A3GALT2: variants seen among roughly 807,000 people sequenced by gnomAD.
A3GALT2 encodes the protein alpha 1,3-galactosyltransferase 2.
A3GALT2 carries 14 observed loss-of-function variants against 16.6 expected under a neutral mutation model. The ratio of observed to expected loss-of-function variants is 0.84; its 90% CI spans 0.56 to 1.32. The LOEUF (loss-of-function observed/expected upper bound fraction) is 1.32, where lower values mean the gene tolerates loss of function less well. A3GALT2 is among the 40% of genes most tolerant of loss of function. The pLI, the probability that A3GALT2 is intolerant of heterozygous loss-of-function variation, is 0.00. For missense variants in A3GALT2, 600 were observed against 490.9 expected, an observed-to-expected ratio of 1.22 and a Z score of -2.10; for synonymous variants, 253 against 218.0, an observed-to-expected ratio of 1.16 and a Z score of -1.42.
At chr1:33,314,879 C>T (rs77772341) in intron 1 of A3GALT2, 9 of 152,156 alleles carry the variant, frequency 5.9e-5, no homozygotes, top group African/African-American at 1.9e-4. Flanking sequence ...AAAATGTTCA[C>T]CCTCACTGGC....
rs1297697343 is a variant in A3GALT2, at chr1:33,312,849, A to C, written c.65T>G (p.Leu22Arg). Residue 22 changes from leucine (L) to arginine (R), a missense_variant, in exon 2 of 5, where the codon CTT becomes CGT. Physicochemically the swap from Leu to Arg is moderately radical, Grantham distance 102. Coordinates refer to ENST00000442999, the MANE Select transcript of A3GALT2 (RefSeq NM_001080438.1). ...RIFWRQILLT[L>R]GLLGLFLYGL... ...ATACAGAAACAGGCCTAAGAGGCCAAGTGTAAGTAGGATCTGCCGCCAGAA... is the reference window on the plus strand; with the variant it reads ...ATACAGAAACAGGCCTAAGAGGCCACGTGTAAGTAGGATCTGCCGCCAGAA... 1 of 1,606,916 alleles carries C rather than the reference A, an allele frequency of 6.2e-7. No individual in the cohort carries two copies. The highest frequency in any genetic ancestry group is 2.2e-5 in the East Asian group (1 of 44,732).
intron 1 of A3GALT2, among the ~76,000 whole-genome samples, chr1:33,315,424 A>G (rs1646257372): frequency 6.6e-6 from 1 of 151,458 alleles, no homozygotes; most frequent in Non-Finnish European, 1.5e-5. Context: ...ATGCACCTGT[A>G]GTTCCAGCTA....
At chr1:33,319,691 C>A (rs1646276886) in intron 1 of A3GALT2, among the ~76,000 whole-genome samples, 1 of 152,116 alleles carries the variant, frequency 6.6e-6, no homozygotes. Context: ...CTGGGGGCTC[C>A]CCACGGCTCA....
chr1:33,318,730 G>T (rs1646271931), intron 1 of A3GALT2, among the ~76,000 whole-genome samples: 1 of 152,024 alleles, frequency 6.6e-6, no homozygotes, highest in Non-Finnish European at 1.5e-5. Context: ...GCTTCCTCCT[G>T]TCTGAAGCTG....
rs1646281659 is a variant in A3GALT2, at chr1:33,320,652, T to TAA, written c.23+422_23+423dup. 6.6e-6 allele frequency among the ~76,000 whole-genome samples: 1 copy of TAA among 152,002 alleles called. No individual in the cohort carries two copies. Among genetic ancestry groups the TAA allele is most frequent in the Non-Finnish European group, 1.5e-5 (1 of 68,012 alleles). On this transcript the variant is annotated intron_variant, in intron 1 of 4. Transcript: ENST00000442999. The surrounding 1 kb of genome is among the most constrained non-coding windows in gnomAD (Gnocchi z 4.3). ...ACTCTCGTTGGCTTCAAGAAAGGGT[T>TAA]AAAGATCAGCCATTAGGTCTTAAGG...
At chr1:33,310,105 C>T (rs1646226245) in intron 4 of A3GALT2, among the ~76,000 whole-genome samples, 1 of 152,268 alleles carries the variant, frequency 6.6e-6, no homozygotes, top group Admixed American at 6.5e-5. Flanking sequence ...AGCTGGAGAC[C>T]AGCCCGGCCA....
intron 4 of A3GALT2, 111 bp downstream of exon 4, chr1:33,311,941 T>C: frequency 6.8e-7 from 1 of 1,463,336 alleles, no homozygotes; most frequent in Non-Finnish European, 9.2e-7. Flanking sequence ...GCTTCTCGCT[T>C]CACTTTGGGA....
chr1:33,320,837 A>G lies in A3GALT2; in HGVS notation c.23+239T>C, dbSNP rs1646282574. ...AGGGGAGTCCAGCTTTTCATTGGCT[A>G]CAAAATCTTGTGGAATACAACCTCC... is the stretch of plus-strand genomic sequence containing the variant. On this transcript the variant is annotated intron_variant, in intron 1 of 4. Transcript: ENST00000442999. This position sits in a 1 kb window ranked among gnomAD's most constrained non-coding sequence, Gnocchi z 4.3. Among the ~76,000 whole-genome samples, 1 of 151,884 alleles carries G rather than the reference A, an allele frequency of 6.6e-6. No homozygotes were observed. Among genetic ancestry groups the G allele is most frequent in the African/African-American group, 2.4e-5 (1 of 41,404 alleles).
At chr1:33,312,017 G>A in intron 4 of A3GALT2, 35 bp downstream of exon 4, 2 of 1,612,282 alleles carry the variant, frequency 1.2e-6, no homozygotes, top group Non-Finnish European at 1.7e-6. Flanking sequence ...CCCACTCACA[G>A]CTTTGACAGC....
intron 4 of A3GALT2, among the ~76,000 whole-genome samples, chr1:33,309,362 C>G (rs117311352): frequency 0.097 from 14,550 of 149,628 alleles, 985 homozygotes; most frequent in East Asian, 0.27. Flanking sequence ...GGCGCCCCCC[C>G]ACCTCCCAGA....
At position 33,312,068 on chromosome 1, in the gene A3GALT2, TAGTC is replaced by T. The variant is rs201715975; in HGVS notation, c.315_318del (p.Thr106SerfsTer4). The T allele has an allele frequency of 0.023, 36,780 of 1,613,634 alleles. 501 individuals carry two copies. Among genetic ancestry groups the T allele is most frequent in the Non-Finnish European group, 0.027 (32,432 of 1,179,802 alleles). ...AGGCCTTACCTGCCTACAGCAAAGA[TAGTC>T]AGCCCAATGGTGAGGTTCTGCTGTC... On this transcript the variant is annotated frameshift_variant, in exon 4 of 5. Transcript: ENST00000442999. LOFTEE classifies it low-confidence loss of function (END_TRUNC).
chr1:33,311,974 G>A (rs1225662753), intron 4 of A3GALT2, 78 bp downstream of exon 4: 5 of 1,574,346 alleles, frequency 3.2e-6, no homozygotes, highest in African/African-American at 1.3e-5. Context: ...GGGGAGCAGG[G>A]TGCCCCGCCT....
In A3GALT2 at chr1:33,312,126, G is replaced by A. The variant is rs554168226; in HGVS notation, c.261C>T (p.Phe87=). ...WGAPIIWDGS[F]DPDVAKQEAR... ...CCTCTTGCTTGGCCACATCTGGGTC[G>A]AAAGAGCCATCCCAAATAATGGGAG... Residue 87 remains phenylalanine, a synonymous_variant, in exon 4 of 5, where the codon TTC becomes TTT. Coordinates refer to ENST00000442999, the MANE Select transcript of A3GALT2 (RefSeq NM_001080438.1). The A allele has an allele frequency of 5.0e-6, 8 of 1,613,630 alleles. No individual in the cohort carries two copies. Among genetic ancestry groups the A allele is most frequent in the East Asian group, 2.2e-5 (1 of 44,878 alleles).
intron 1 of A3GALT2, chr1:33,313,824 T>G (rs1191732234): frequency 1.3e-5 from 2 of 152,198 alleles, no homozygotes; most frequent in African/African-American, 4.8e-5. Context: ...CACATCAGTC[T>G]CATCTATAGG....
chr1:33,314,868 A>G (rs933950060), intron 1 of A3GALT2: 7 of 152,220 alleles, frequency 4.6e-5, no homozygotes, highest in African/African-American at 1.7e-4. Context: ...AAATATATGG[A>G]AAAATGTTCA....
Position 33,320,958 on chromosome 1 carries a change from G to C in A3GALT2, c.23+118C>G. On this transcript the variant is annotated intron_variant, in intron 1 of 4. Transcript: ENST00000442999. The surrounding 1 kb of genome is among the most constrained non-coding windows in gnomAD (Gnocchi z 4.3). ...TTCCCCAGGACTGGAGGCTCAGCTG[G>C]TACTCCTGGGCTCACTCTGGTGCCT... 2.3e-6 allele frequency: 3 copies of C among 1,318,220 alleles called. No individual in the cohort carries two copies. Among genetic ancestry groups the C allele is most frequent in the Non-Finnish European group, 3.2e-6 (3 of 926,890 alleles). 81.7% of individuals were successfully genotyped at this position (1,318,220 alleles called of 1,614,324 possible).
chr1:33,309,478 G>A (rs1194445382), intron 4 of A3GALT2, among the ~76,000 whole-genome samples: 3 of 151,906 alleles, frequency 2.0e-5, no homozygotes, highest in South Asian at 2.1e-4. Context: ...GCGGCTGGCC[G>A]GGCGGGGGCT....
At chr1:33,310,718 C>T (rs1302363925) in intron 4 of A3GALT2, among the ~76,000 whole-genome samples, 2 of 152,124 alleles carry the variant, frequency 1.3e-5, no homozygotes, top group African/African-American at 2.4e-5. Context: ...AATCAGAGAC[C>T]TAGGAAATCT....
intron 1 of A3GALT2, among the ~76,000 whole-genome samples, chr1:33,315,068 A>G (rs1437078186): frequency 6.6e-6 from 1 of 152,044 alleles, no homozygotes; most frequent in African/African-American, 2.4e-5. Context: ...GCAACGGAGC[A>G]AGACCCTGCC....
Sources: gnomAD v4.1 joint callset for allele counts (sites outside exome capture counted in the v4.1 genomes callset) on GRCh38, gnomAD v4.1.1 for gene constraint, Gnocchi (gnomAD v3.1) non-coding constraint, MANE v1.5 for transcripts, NCBI Gene and HGNC (gene_info 2026-07-23, HGNC 2026-07-21) for gene names.